ZFX: variants seen among roughly 807,000 people sequenced by gnomAD.
ZFX encodes zinc finger protein X-linked.
For missense variants in ZFX, 362 were observed against 628.3 expected (o/e 0.58, Z 4.53); for synonymous variants, 196 against 226.8 (o/e 0.86, Z 1.22).
At chrX:24,157,157 G>A (rs1159075234) in intron 3 of ZFX, among the ~76,000 whole-genome samples, 2 of 111,670 alleles carry the variant, frequency 1.8e-5, no homozygotes, top group Non-Finnish European at 1.9e-5. Context: ...TTGAATTCTG[G>A]GTATGTGCTA....
Position 24,213,639 on chromosome X carries a change from T to C in ZFX, c.*2263T>C, listed in dbSNP as rs1225664297. ...AGGCATGGGTTTTCCTAGCCTATCT[T>C]ATAGGAAATTCCTGTACCTTCTTGG... On this transcript the variant is annotated 3_prime_UTR_variant, in exon 10 of 10. Coordinates refer to ENST00000304543, the MANE Select transcript of ZFX (RefSeq NM_003410.4). The C allele has an allele frequency of 9.2e-6, 1 of 109,174 alleles. No individual in the cohort carries two copies. The highest frequency in any genetic ancestry group is 1.9e-5 in the Non-Finnish European group (1 of 52,446). 9.0% of individuals were successfully genotyped at this position (109,174 alleles called of 1,213,427 possible). A position where few individuals can be genotyped will look rare whatever the true frequency, so the allele number is the denominator to read the frequency against.
Position 24,212,657 on chromosome X carries a change from G to C in ZFX, c.*1281G>C, listed in dbSNP as rs1344083239. 8.9e-6 allele frequency: 1 copy of C among 112,146 alleles called. No homozygotes were observed. The highest frequency in any genetic ancestry group is 1.9e-5 in the Non-Finnish European group (1 of 53,203). The allele number at this position is 112,146 out of a possible 1,213,427, so 9.2% of individuals were successfully genotyped here. A position where few individuals can be genotyped will look rare whatever the true frequency, so the allele number is the denominator to read the frequency against. ...GAACTCTGTCTTACCTAGTGAGGGG[G>C]ATGGAAAAGAAGTGATGGCTCTGTG... On this transcript the variant is annotated 3_prime_UTR_variant, in exon 10 of 10. Coordinates refer to ENST00000304543, the MANE Select transcript of ZFX (RefSeq NM_003410.4).
At chrX:24,149,021 T>C (rs368108153), upstream of ZFX, among the ~76,000 whole-genome samples, 14 of 110,971 alleles carry the variant, frequency 1.3e-4, no homozygotes, top group East Asian at 1.7e-3. Flanking sequence ...GGGATAACCC[T>C]TCTCCCCCCA....
chrX:24,177,482 G>A (rs1285549924), intron 4 of ZFX, among the ~76,000 whole-genome samples: 1 of 110,837 alleles, frequency 9.0e-6, no homozygotes, highest in Non-Finnish European at 1.9e-5. Flanking sequence ...GGGGACGGGA[G>A]GAGGCTAGAT....
chrX:24,174,768 C>T (rs759634628), intron 4 of ZFX, among the ~76,000 whole-genome samples: 7 of 110,528 alleles, frequency 6.3e-5, no homozygotes, highest in Non-Finnish European at 9.5e-5. Flanking sequence ...GGCTAGAGTA[C>T]GGTGGCATGA....
chrX:24,191,762 C>T (rs1440084000), intron 5 of ZFX, among the ~76,000 whole-genome samples: 3 of 108,464 alleles, frequency 2.8e-5, no homozygotes, highest in African/African-American at 6.8e-5. Flanking sequence ...TGCAGTGGTG[C>T]GATCTTGACT....
rs770464534 is a variant in ZFX, at chrX:24,210,302, C to T, written c.1344C>T (p.Pro448=). The part of the protein sequence containing the change: ...GFLKRHMKNH[P]EHLAKKKYRC... ...TGAAAAGGCACATGAAAAACCATCC[C>T]GAACACCTTGCCAAGAAGAAATACC... Residue 448 remains proline (P), a synonymous_variant, in exon 10 of 10, where the codon CCC becomes CCT. Transcript: ENST00000304543. 24 of 1,209,609 alleles carry T rather than the reference C, an allele frequency of 2.0e-5. No individual in the cohort carries two copies. Among genetic ancestry groups the T allele is most frequent in the South Asian group, 1.2e-4 (7 of 56,790 alleles).
intron 5 of ZFX, among the ~76,000 whole-genome samples, chrX:24,187,854 T>C (rs1456803365): frequency 3.6e-5 from 4 of 110,767 alleles, no homozygotes; most frequent in African/African-American, 1.3e-4. Flanking sequence ...GGTATGTAAA[T>C]AGATATAGAA....
intron 3 of ZFX, among the ~76,000 whole-genome samples, chrX:24,160,446 G>A (rs921833592): frequency 2.7e-5 from 3 of 109,539 alleles, no homozygotes; most frequent in Non-Finnish European, 5.7e-5. Flanking sequence ...TTACAGACGT[G>A]CACCAGCACA....
chrX:24,164,747 C>T (rs900134974), intron 3 of ZFX, among the ~76,000 whole-genome samples: 1 of 110,238 alleles, frequency 9.1e-6, no homozygotes. Flanking sequence ...GCCTGGCCAA[C>T]GTGGTGAAAC....
intron 3 of ZFX, among the ~76,000 whole-genome samples, chrX:24,159,687 C>T (rs1476129447): frequency 9.0e-6 from 1 of 111,000 alleles, no homozygotes. Context: ...TTGGCCAGGC[C>T]TCAGGTCTGG....
intron 5 of ZFX, among the ~76,000 whole-genome samples, chrX:24,204,833 AG>A (rs1287801026): frequency 1.8e-5 from 2 of 111,994 alleles, no homozygotes; most frequent in African/African-American, 6.5e-5. Flanking sequence ...CCTGCCTCAC[AG>A]GGTTGTTGTA....
chrX:24,169,495 TGTG>T (rs1370620840), intron 3 of ZFX, among the ~76,000 whole-genome samples: 2 of 109,548 alleles, frequency 1.8e-5, no homozygotes, highest in African/African-American at 6.7e-5. Context: ...AGTCATTTGT[TGTG>T]GGAGTGGCAG....
intron 5 of ZFX, among the ~76,000 whole-genome samples, chrX:24,206,687 G>T (rs951042911): frequency 1.8e-5 from 2 of 109,200 alleles, no homozygotes; most frequent in Admixed American, 2.0e-4. Context: ...GCACCTGGCT[G>T]GTTCTTTTAA....
intron 4 of ZFX, among the ~76,000 whole-genome samples, chrX:24,177,477 C>T (rs1198235109): frequency 3.6e-5 from 4 of 110,545 alleles, no homozygotes; most frequent in Admixed American, 9.7e-5. Flanking sequence ...TCTAGGGGGA[C>T]GGGAGGAGGC....
At chrX:24,150,304 C>T (rs1245583689) in intron 1 of ZFX, among the ~76,000 whole-genome samples, 2 of 100,374 alleles carry the variant, frequency 2.0e-5, no homozygotes, top group African/African-American at 7.3e-5. Flanking sequence ...GAAAATTCCG[C>T]TACAGCCCGT....
At chrX:24,171,341 G>A (rs1489354435) in intron 3 of ZFX, among the ~76,000 whole-genome samples, 3 of 110,948 alleles carry the variant, frequency 2.7e-5, no homozygotes, top group Admixed American at 9.6e-5. Context: ...GGGATGTTGA[G>A]CATTTTTGTT....
Position 24,179,718 on chromosome X carries a change from G to A in ZFX, c.594G>A (p.Val198=). ...TCATAGATGCCAATGGGATCCCTGT[G>A]GACCAGCAGGATGATGACAAAGGCA... ...EAVIDANGIP[V]DQQDDDKGNC... is the part of the protein sequence containing the mutation. Residue 198 remains valine (V), a synonymous_variant, in exon 5 of 10, where the codon GTG becomes GTA. Coordinates refer to ENST00000304543, the MANE Select transcript of ZFX (RefSeq NM_003410.4). The A allele has an allele frequency of 8.3e-7, 1 of 1,210,794 alleles. No individual in the cohort carries two copies. Among genetic ancestry groups the A allele is most frequent in the South Asian group, 1.8e-5 (1 of 56,988 alleles).
chrX:24,183,434 G>A (rs1043145982), intron 5 of ZFX, among the ~76,000 whole-genome samples: 2 of 111,433 alleles, frequency 1.8e-5, no homozygotes, highest in African/African-American at 6.5e-5. Context: ...GATCCCACCC[G>A]CCTCGGCCTC....
Sources: allele counts gnomAD v4.1 joint callset (sites outside exome capture counted in the v4.1 genomes callset), GRCh38; gene constraint gnomAD v4.1.1; transcripts MANE v1.5; gene names NCBI Gene and HGNC (gene_info 2026-07-23, HGNC 2026-07-21).